Variants in GABRG3 observed in about 807,000 individuals in gnomAD.
The protein encoded by GABRG3 is gamma-aminobutyric acid type A receptor subunit gamma3, also known as gamma-aminobutyric acid receptor subunit gamma-3.
GABRG3 carries 25 observed loss-of-function variants against 48.8 expected under a neutral mutation model. The ratio of observed to expected loss-of-function variants is 0.51; its 90% CI spans 0.37 to 0.72. The LOEUF (loss-of-function observed/expected upper bound fraction) is 0.72. GABRG3 is among the 30% of genes least tolerant of loss of function. The pLI is 0.00. For missense variants in GABRG3, 394 were observed against 577.9 expected (o/e 0.68, Z 3.26); for synonymous variants, 227 against 217.6 (o/e 1.04, Z -0.38).
intron 3 of GABRG3, among the ~76,000 whole-genome samples, chr15:27,175,233 C>A (rs1887709866): frequency 6.6e-6 from 1 of 152,100 alleles, no homozygotes; most frequent in South Asian, 2.1e-4. Flanking sequence ...CTGCAGGACT[C>A]CCCCAGCCTT....
intron 3 of GABRG3, among the ~76,000 whole-genome samples, chr15:27,030,892 A>C (rs1464296354): frequency 6.6e-6 from 1 of 152,290 alleles, no homozygotes; most frequent in Non-Finnish European, 1.5e-5. Context: ...GCAGCTGTAC[A>C]TACCTGTAGG....
In GABRG3 at chr15:27,180,954, C is replaced by G. The variant is rs769568114; in HGVS notation, c.271-145855C>G. Among the ~76,000 whole-genome samples the G allele has an allele frequency of 1.3e-5, 2 of 152,124 alleles. No individual in the cohort carries two copies. The highest frequency in any genetic ancestry group is 2.9e-5 in the Non-Finnish European group (2 of 68,026). ...AAAACCCCTCTCGCTTTGGGTGTTA[C>G]GTTCAGCTGCTGAATTGTGCTGACT... is the stretch of plus-strand genomic sequence containing the variant. On this transcript the variant is annotated intron_variant, in intron 3 of 9. Transcript: ENST00000615808. This position sits in a 1 kb window ranked among gnomAD's most constrained non-coding sequence, Gnocchi z 4.2.
intron 2 of GABRG3, 53 bp downstream of exon 2, chr15:26,977,203 A>G: frequency 1.3e-6 from 2 of 1,553,848 alleles, no homozygotes; most frequent in Non-Finnish European, 1.7e-6. Context: ...AGTGATATGA[A>G]GTTTTTACTT....
chr15:27,317,334 G>A (rs144175558), intron 3 of GABRG3, among the ~76,000 whole-genome samples: 4 of 152,266 alleles, frequency 2.6e-5, no homozygotes, highest in South Asian at 2.1e-4. Flanking sequence ...CGTCAACAGC[G>A]TCTCCTCTGA....
intron 3 of GABRG3, among the ~76,000 whole-genome samples, chr15:27,127,512 C>T (rs548263019): frequency 1.5e-3 from 229 of 151,970 alleles, no homozygotes; most frequent in South Asian, 5.6e-3. Flanking sequence ...TCTCTGGGGT[C>T]TCCTTGGAAA....
chr15:27,356,670 A>T (rs1331872914), intron 5 of GABRG3, among the ~76,000 whole-genome samples: 1 of 152,252 alleles, frequency 6.6e-6, no homozygotes, highest in Non-Finnish European at 1.5e-5. Context: ...CTCAATGTTT[A>T]TCAAATTAGT....
chr15:27,203,660 GTA>G (rs1224511985), intron 3 of GABRG3, among the ~76,000 whole-genome samples: 1 of 151,988 alleles, frequency 6.6e-6, no homozygotes, highest in Non-Finnish European at 1.5e-5. Context: ...TTCCCCAGTA[GTA>G]TATGTGTTCT....
Position 27,090,277 on chromosome 15 carries a change from A to G in GABRG3, c.270+63456A>G, listed in dbSNP as rs555954343. 5.9e-5 allele frequency among the ~76,000 whole-genome samples: 9 copies of G among 152,364 alleles called. No homozygotes were observed. The East Asian group carries it at 1.7e-3, about 29-fold the overall frequency. ...AAAGAGCTCTGAGCATGTTTAAGGT[A>G]GGCTAGACTAAGCTATGATGTTTGG... On this transcript the variant is annotated intron_variant, in intron 3 of 9. Coordinates refer to ENST00000615808, the MANE Select transcript of GABRG3 (RefSeq NM_033223.5).
At chr15:27,357,743 A>G (rs1472468720) in intron 5 of GABRG3, among the ~76,000 whole-genome samples, 4 of 152,200 alleles carry the variant, frequency 2.6e-5, no homozygotes, top group Admixed American at 2.0e-4. Flanking sequence ...CCTGAGCTGG[A>G]TATGAAAATG....
chr15:27,351,724 G>A (rs562942161), intron 5 of GABRG3, among the ~76,000 whole-genome samples: 11 of 149,504 alleles, frequency 7.4e-5, no homozygotes, highest in African/African-American at 2.2e-4. Context: ...GTGTGTGTGT[G>A]TATATATATG....
intron 5 of GABRG3, among the ~76,000 whole-genome samples, chr15:27,460,503 G>GT (rs142353409): frequency 6.6e-6 from 1 of 152,232 alleles, no homozygotes; most frequent in East Asian, 1.9e-4. Context: ...GTGAGCAGGA[G>GT]TTTTTAAAGG....
chr15:27,362,492 C>A (rs1407980812), intron 5 of GABRG3: 1 of 152,124 alleles, frequency 6.6e-6, no homozygotes, highest in African/African-American at 2.4e-5. Context: ...ATGCTGTGAC[C>A]TTATAATTCT....
chr15:27,394,700 G>T (rs8041250), intron 5 of GABRG3, among the ~76,000 whole-genome samples: 74,083 of 151,894 alleles, frequency 0.49, 19,101 homozygotes, highest in East Asian at 0.99. Context: ...CCTTCGTTTT[G>T]GAAGGGTAAT....
intron 3 of GABRG3, among the ~76,000 whole-genome samples, chr15:27,122,571 C>T (rs1295658973): frequency 6.6e-6 from 1 of 152,114 alleles, no homozygotes; most frequent in Non-Finnish European, 1.5e-5. Flanking sequence ...AAAATAAAAG[C>T]AATTGAGAGA....
intron 3 of GABRG3, among the ~76,000 whole-genome samples, chr15:27,082,402 A>G (rs546735266): frequency 6.6e-6 from 1 of 152,362 alleles, no homozygotes; most frequent in African/African-American, 2.4e-5. Flanking sequence ...CGGGGAACGC[A>G]CGAGCTTGTA....
chr15:27,038,836 G>A (rs1036920389), intron 3 of GABRG3, among the ~76,000 whole-genome samples: 4 of 152,178 alleles, frequency 2.6e-5, no homozygotes, highest in African/African-American at 4.8e-5. Context: ...GGGAATGTCA[G>A]CAAAGAACTG....
At chr15:27,350,390 A>G (rs1894521568) in intron 5 of GABRG3, 2 of 316,600 alleles carry the variant, frequency 6.3e-6, no homozygotes, top group Non-Finnish European at 1.3e-5. Flanking sequence ...TAAAAGTTCA[A>G]AATCAACTCG....
chr15:27,444,481 T>A (rs965191475), intron 5 of GABRG3, among the ~76,000 whole-genome samples: 2 of 152,206 alleles, frequency 1.3e-5, no homozygotes, highest in Admixed American at 6.5e-5. Context: ...CATGATATAT[T>A]TTTTACCTTC....
chr15:27,400,910 GAGACAA>G (rs1376742857), intron 5 of GABRG3, among the ~76,000 whole-genome samples: 2 of 152,246 alleles, frequency 1.3e-5, no homozygotes, highest in East Asian at 3.9e-4. Context: ...TCCACGACGG[GAGACAA>G]AACAGTCTCC....
Sources: allele counts gnomAD v4.1 joint callset (sites outside exome capture counted in the v4.1 genomes callset), GRCh38; gene constraint gnomAD v4.1.1; non-coding constraint Gnocchi (gnomAD v3.1); transcripts MANE v1.5; gene names NCBI Gene and HGNC (gene_info 2026-07-23, HGNC 2026-07-21).